PSME3: variants seen among roughly 807,000 people sequenced by gnomAD.
PSME3 encodes the protein proteasome activator complex subunit 3.
PSME3 carries 7 observed loss-of-function variants against 38.3 expected under a neutral mutation model. The ratio of observed to expected loss-of-function variants is 0.18; its 90% confidence interval spans 0.10 to 0.34. The LOEUF is 0.34. PSME3 is among the 10% of genes least tolerant of loss of function. The probability of loss-of-function intolerance (pLI) is 1.00; values close to 1 mark genes in which losing one functional copy is unlikely to be tolerated. For missense variants in PSME3, 192 were observed against 307.6 expected (o/e 0.62, Z 2.81); for synonymous variants, 108 against 105.7 (o/e 1.02, Z -0.13).
intron 6 of PSME3, 94 bp downstream of exon 6, chr17:42,838,299 G>A (rs755258567): frequency 1.0e-5 from 16 of 1,534,608 alleles, no homozygotes; most frequent in Non-Finnish European, 1.4e-5. Context: ...GGAATTGGCA[G>A]ACTAGGTTTT....
At chr17:42,833,816 GGGGTC>G in intron 1 of PSME3, 143 bp downstream of exon 1, 2 of 1,572,092 alleles carry the variant, frequency 1.3e-6, no homozygotes, top group Non-Finnish European at 1.7e-6. Flanking sequence ...CCCAACTCCC[GGGGTC>G]GGCTTCGCGG....
At position 42,838,987 on chromosome 17, in the gene PSME3, G is replaced by T; in HGVS notation, c.517G>T (p.Ala173Ser). The T allele has an allele frequency of 6.2e-7, 1 of 1,614,178 alleles. No homozygotes were observed. The highest frequency in any genetic ancestry group is 1.1e-5 in the South Asian group (1 of 91,082). ...GCTAAGAACTGTTGAGAGTGAAGCT[G>T]CATCTTATCTGGACCAGATTTCTAG... The part of the protein sequence containing the change: ...AELRTVESEA[A>S]SYLDQISRYY... Residue 173 changes from alanine (A) to serine (S), a missense_variant, in exon 8 of 11, where the codon GCA becomes TCA. Physicochemically the swap from Ala to Ser is moderately conservative, Grantham distance 99. Coordinates refer to ENST00000590720, the MANE Select transcript of PSME3 (RefSeq NM_005789.4).
chr17:42,836,090 C>T (rs566710848), intron 4 of PSME3, among the ~76,000 whole-genome samples: 91 of 151,464 alleles, frequency 6.0e-4, no homozygotes, highest in Admixed American at 1.1e-3. Context: ...CTGTAACCTC[C>T]GCCTCCCGGG....
chr17:42,834,400 G>C (rs1413108276), intron 2 of PSME3, 24 bp downstream of exon 2: 12 of 1,612,932 alleles, frequency 7.4e-6, no homozygotes, highest in Admixed American at 5.0e-5. Context: ...ATAGAAAAAT[G>C]GTTGTTGGTT....
At position 42,842,343 on chromosome 17, in the gene PSME3, CCAGA is replaced by C. The variant is rs1447997033; in HGVS notation, c.*768_*771del. 6.5e-6 allele frequency: 1 copy of C among 152,802 alleles called. No individual in the cohort carries two copies. The allele number at this position is 152,802 out of a possible 1,614,324, so 9.5% of individuals were successfully genotyped here. On this transcript the variant is annotated 3_prime_UTR_variant, in exon 11 of 11. Coordinates refer to ENST00000590720, the MANE Select transcript of PSME3 (RefSeq NM_005789.4). ...GACAGTTGTCTTAGTTGTCATCTACCCAGACAAACGTCCTGGGCCCGTCCTCCCT... is the reference window on the plus strand; with the variant it reads ...GACAGTTGTCTTAGTTGTCATCTACCCAAACGTCCTGGGCCCGTCCTCCCT...
At chr17:42,841,436 C>T (rs2055532962) in intron 10 of PSME3, 62 bp from the exon 11 acceptor site, 1 of 1,067,814 alleles carries the variant, frequency 9.4e-7, no homozygotes, top group Non-Finnish European at 1.4e-6. Context: ...AGGGGTCTCT[C>T]ATTTTCTTGA....
intron 4 of PSME3, among the ~76,000 whole-genome samples, 174 bp from the exon 5 acceptor site, chr17:42,837,475 G>A (rs1427167235): frequency 6.6e-6 from 1 of 152,168 alleles, no homozygotes; most frequent in African/African-American, 2.4e-5. Flanking sequence ...ATGAGCCACC[G>A]CGCCTTGCCT....
chr17:42,834,441 A>G, intron 2 of PSME3, 65 bp downstream of exon 2: 1 of 1,139,644 alleles, frequency 8.8e-7, no homozygotes, highest in Non-Finnish European at 1.2e-6. Flanking sequence ...ATACCTGGAG[A>G]GAGAGAGAGA....
intron 4 of PSME3, among the ~76,000 whole-genome samples, chr17:42,835,490 C>G (rs1351961595): frequency 1.3e-5 from 2 of 152,076 alleles, no homozygotes; most frequent in Non-Finnish European, 2.9e-5. Flanking sequence ...CTTTGGGAGG[C>G]CGACGTGGAC....
intron 4 of PSME3, among the ~76,000 whole-genome samples, chr17:42,835,163 A>T (rs1312428001): frequency 6.6e-6 from 1 of 151,282 alleles, no homozygotes; most frequent in East Asian, 1.9e-4. Flanking sequence ...TCAGCCTCGC[A>T]GGTAGCTGGG....
chr17:42,833,618 G>A lies in PSME3; in HGVS notation c.-14G>A, dbSNP rs2055424792. The A allele has an allele frequency of 1.2e-6, 2 of 1,614,094 alleles. No homozygotes were observed. The stretch of plus-strand genomic sequence containing the variant: ...CTCCGGTGTCCAGAGGATCGGACAC[G>A]GCCCGGCCCGGCCATGGCCTCGTTG... On this transcript the variant is annotated 5_prime_UTR_variant, in exon 1 of 11. Coordinates refer to ENST00000590720, the MANE Select transcript of PSME3 (RefSeq NM_005789.4).
intron 10 of PSME3, among the ~76,000 whole-genome samples, chr17:42,840,081 A>G (rs2055512845): frequency 6.6e-6 from 1 of 151,232 alleles, no homozygotes; most frequent in South Asian, 2.1e-4. Context: ...GTTCGAGACC[A>G]GCCTTACCAA....
chr17:42,839,022 C>G lies in PSME3; in HGVS notation c.542+10C>G, dbSNP rs900546765. ...TGGACCAGATTTCTAGGTAGGGCTG[C>G]TTGGGCTTGGCCGAGGCGTTGGGGG... On this transcript the variant is annotated intron_variant, in intron 8 of 10. Coordinates refer to ENST00000590720, the MANE Select transcript of PSME3 (RefSeq NM_005789.4). The G allele has an allele frequency of 1.9e-6, 3 of 1,614,032 alleles. No individual in the cohort carries two copies. In the African/African-American group the frequency reaches 4.0e-5, roughly 22 times the overall value.
At chr17:42,835,243 C>T (rs1262889608) in intron 4 of PSME3, among the ~76,000 whole-genome samples, 1 of 151,934 alleles carries the variant, frequency 6.6e-6, no homozygotes, top group Admixed American at 6.6e-5. Flanking sequence ...CACCATGTTG[C>T]CCAGGCCGGT....
intron 4 of PSME3, 24 bp downstream of exon 4, chr17:42,834,900 G>A (rs1471657155): frequency 1.2e-6 from 2 of 1,612,504 alleles, no homozygotes; most frequent in African/African-American, 1.3e-5. Flanking sequence ...ATTTATCTTT[G>A]TGTTCTTGAG....
Position 42,838,190 on chromosome 17 carries a change from T to C in PSME3, c.390T>C (p.Ile130=). The change falls in exon 6 of 11, where the codon ATT becomes ATC. Residue 130 remains isoleucine, a synonymous_variant. Coordinates refer to ENST00000590720, the MANE Select transcript of PSME3 (RefSeq NM_005789.4). ...EKVKPEIRLL[I]EKCNTVKMWV... ...TGAAACCTGAGATCCGGCTGTTGAT[T>C]GAGAAATGTAACACGGTGAGGCACA... 1.9e-6 allele frequency: 3 copies of C among 1,613,948 alleles called. No homozygotes were observed. Among genetic ancestry groups the C allele is most frequent in the Non-Finnish European group, 2.5e-6 (3 of 1,180,010 alleles).
chr17:42,834,208 A>G, intron 1 of PSME3, 136 bp from the exon 2 acceptor site: 2 of 1,550,496 alleles, frequency 1.3e-6, no homozygotes, highest in South Asian at 1.2e-5. Flanking sequence ...TCAAAAAAAT[A>G]AAGTATTTGC....
chr17:42,839,918 C>T (rs2055510185), intron 10 of PSME3, among the ~76,000 whole-genome samples: 1 of 151,844 alleles, frequency 6.6e-6, no homozygotes, highest in South Asian at 2.1e-4. Context: ...ATCACTTGAA[C>T]CCGGGAGTTG....
At position 42,842,240 on chromosome 17, in the gene PSME3, A is replaced by G. The variant is rs911268161; in HGVS notation, c.*662A>G. 1 of 152,638 alleles carries G rather than the reference A, an allele frequency of 6.6e-6. No individual in the cohort carries two copies. Among genetic ancestry groups the G allele is most frequent in the Non-Finnish European group, 1.5e-5 (1 of 68,060 alleles). The allele number at this position is 152,638 out of a possible 1,614,324, so 9.5% of individuals were successfully genotyped here. ...TATGCATGTATACGCCCATACAGAC[A>G]TGCACACACAGACTCCTACTCCATT... On this transcript the variant is annotated 3_prime_UTR_variant, in exon 11 of 11. Transcript: ENST00000590720.
Sources: gnomAD v4.1 joint callset for allele counts (sites outside exome capture counted in the v4.1 genomes callset) on GRCh38, gnomAD v4.1.1 for gene constraint, MANE v1.5 for transcripts, NCBI Gene and HGNC (gene_info 2026-07-23, HGNC 2026-07-21) for gene names.